KIF16B: variants seen among roughly 807,000 people sequenced by gnomAD.
KIF16B encodes kinesin-like protein KIF16B.
Under a neutral mutation model 156.3 loss-of-function variants are expected in KIF16B, and 98 were observed. The observed-to-expected ratio is 0.63, with a 90% CI of 0.53 to 0.74. The LOEUF is 0.74. Among genes scored for constraint, KIF16B ranks in the 30% least tolerant of loss-of-function variants. The pLI is 0.00. For missense variants in KIF16B, 1,421 were observed against 1,606.5 expected (o/e 0.88, Z 1.97); for synonymous variants, 564 against 583.7 (o/e 0.97, Z 0.49).
intron 23 of KIF16B, among the ~76,000 whole-genome samples, chr20:16,352,355 A>G (rs1027695496): frequency 6.6e-6 from 1 of 152,244 alleles, no homozygotes; most frequent in Non-Finnish European, 1.5e-5. Flanking sequence ...TTCATAAAAG[A>G]GTTGTTTTTA....
At chr20:16,431,662 C>A (rs1392820702) in intron 12 of KIF16B, among the ~76,000 whole-genome samples, 1 of 152,034 alleles carries the variant, frequency 6.6e-6, no homozygotes, top group Non-Finnish European at 1.5e-5. Context: ...CCAATAGATG[C>A]TAGCAACACA....
chr20:16,333,567 C>T (rs1459264737), intron 24 of KIF16B, among the ~76,000 whole-genome samples: 1 of 152,138 alleles, frequency 6.6e-6, no homozygotes, highest in African/African-American at 2.4e-5. Context: ...TGTAATACAC[C>T]CTTTTTCCTC....
intron 23 of KIF16B, among the ~76,000 whole-genome samples, chr20:16,345,609 T>A (rs1368573489): frequency 6.6e-6 from 1 of 152,192 alleles, no homozygotes; most frequent in Non-Finnish European, 1.5e-5. Flanking sequence ...GAAAACATAC[T>A]GTGATAAAAC....
chr20:16,527,429 A>G (rs1196179732), intron 2 of KIF16B, among the ~76,000 whole-genome samples: 1 of 152,216 alleles, frequency 6.6e-6, no homozygotes, highest in Non-Finnish European at 1.5e-5. Flanking sequence ...ATTAATAGAA[A>G]TCTCCACAGA....
chr20:16,379,430 G>A lies in KIF16B; in HGVS notation c.2572C>T (p.Gln858Ter). ...CATTTTAAACACTCTAGGATCTCCT[G>A]TTCTTCTTGGACTTCTTTTTTCAGG... The part of the protein sequence containing the change: ...DILKKEVQEE[Q>*]EILECLKCEH... The change falls in exon 19 of 26, where the codon CAG becomes TAG. Residue 858 changes from glutamine (Q) to a stop codon, truncating the protein, a stop_gained. Transcript: ENST00000354981. LOFTEE classifies it high-confidence loss of function. 1 of 1,613,182 alleles carries A rather than the reference G, an allele frequency of 6.2e-7. No homozygotes were observed. Among genetic ancestry groups the A allele is most frequent in the Non-Finnish European group, 8.5e-7 (1 of 1,179,836 alleles).
intron 22 of KIF16B, among the ~76,000 whole-genome samples, chr20:16,363,029 G>T (rs2064580174): frequency 6.6e-6 from 1 of 152,206 alleles, no homozygotes; most frequent in African/African-American, 2.4e-5. Flanking sequence ...ATTTGATGGT[G>T]ATGGTTTGAA....
chr20:16,471,314 T>C (rs2067656788), intron 12 of KIF16B, among the ~76,000 whole-genome samples: 3 of 152,232 alleles, frequency 2.0e-5, no homozygotes, highest in Non-Finnish European at 2.9e-5. Flanking sequence ...AAATACACTG[T>C]CACTCTGTGA....
chr20:16,460,841 C>T (rs1411724945), intron 12 of KIF16B, among the ~76,000 whole-genome samples: 2 of 151,708 alleles, frequency 1.3e-5, no homozygotes, highest in Non-Finnish European at 2.9e-5. Flanking sequence ...AAATCAATAA[C>T]CTCGGATGAA....
chr20:16,544,735 T>C (rs1417088036), intron 1 of KIF16B, among the ~76,000 whole-genome samples: 2 of 151,980 alleles, frequency 1.3e-5, no homozygotes, highest in African/African-American at 4.8e-5. Flanking sequence ...TGCTTACTGA[T>C]GGGCTACTAT....
At chr20:16,565,806 C>A (rs2071232044) in intron 1 of KIF16B, among the ~76,000 whole-genome samples, 1 of 152,250 alleles carries the variant, frequency 6.6e-6, no homozygotes, top group Non-Finnish European at 1.5e-5. Flanking sequence ...CCGCGTAGGG[C>A]CAGCATCACT....
chr20:16,411,652 T>C (rs75535131), intron 15 of KIF16B, among the ~76,000 whole-genome samples: 16,506 of 152,018 alleles, frequency 0.11, 1,082 homozygotes, highest in Non-Finnish European at 0.16. Flanking sequence ...GAACATACTA[T>C]TGTCATGTGT....
intron 25 of KIF16B, among the ~76,000 whole-genome samples, chr20:16,310,296 T>C (rs2063600058): frequency 6.6e-6 from 1 of 152,130 alleles, no homozygotes; most frequent in East Asian, 1.9e-4. Flanking sequence ...CAACAGCTGA[T>C]GGTTTAGAAG....
chr20:16,516,026 T>C (rs997945597), intron 3 of KIF16B, among the ~76,000 whole-genome samples: 1 of 152,256 alleles, frequency 6.6e-6, no homozygotes, highest in Non-Finnish European at 1.5e-5. Context: ...CTATTCATTC[T>C]ATCAGAGTTT....
chr20:16,528,097 A>G (rs1364815372), intron 2 of KIF16B, among the ~76,000 whole-genome samples: 2 of 152,172 alleles, frequency 1.3e-5, no homozygotes, highest in Admixed American at 1.3e-4. Context: ...CAGGATGAAA[A>G]TGCCCGAATC....
intron 23 of KIF16B, among the ~76,000 whole-genome samples, chr20:16,338,736 G>C (rs1230800697): frequency 6.6e-6 from 1 of 152,142 alleles, no homozygotes; most frequent in Non-Finnish European, 1.5e-5. Context: ...CCACCAAACA[G>C]ACTGATCTCA....
rs540736077 is a variant in KIF16B at position 16,388,627 on chromosome 20, AT to A, written c.1785-6881del. Among the ~76,000 whole-genome samples the A allele has an allele frequency of 6.1e-4, 90 of 147,932 alleles. 1 individual carries two copies. The highest frequency in any genetic ancestry group is 9.8e-4 in the East Asian group (5 of 5,096). Reference sequence around the variant, plus strand: ...ACAAAAAAAGCATAGCATACAACCTATTTTTTTTTTTAAATCAGAGATAGCC... The same window carrying A: ...ACAAAAAAAGCATAGCATACAACCTATTTTTTTTTTAAATCAGAGATAGCC... On this transcript the variant is annotated intron_variant, in intron 17 of 25. Transcript: ENST00000354981.
At chr20:16,416,958 G>A (rs2066105190) in intron 15 of KIF16B, among the ~76,000 whole-genome samples, 1 of 152,072 alleles carries the variant, frequency 6.6e-6, no homozygotes, top group Non-Finnish European at 1.5e-5. Flanking sequence ...TGAGGAAAGG[G>A]AATCTTTCTT....
At chr20:16,511,633 A>C in intron 5 of KIF16B, 106 bp from the exon 6 acceptor site, 1 of 657,142 alleles carries the variant, frequency 1.5e-6, no homozygotes, top group Admixed American at 2.5e-5. Context: ...CCACAGCAGC[A>C]GTTACCATTT....
At chr20:16,291,861 A>G (rs932078692) in intron 25 of KIF16B, among the ~76,000 whole-genome samples, 2 of 152,202 alleles carry the variant, frequency 1.3e-5, no homozygotes, top group Admixed American at 1.3e-4. Context: ...TAGCATAAAT[A>G]CCGCACACCC....
Sources: allele counts gnomAD v4.1 joint callset (sites outside exome capture counted in the v4.1 genomes callset), GRCh38; gene constraint gnomAD v4.1.1; transcripts MANE v1.5; gene names NCBI Gene and HGNC (gene_info 2026-07-23, HGNC 2026-07-21).